PRKCQ: variants seen among roughly 807,000 people sequenced by gnomAD.
PRKCQ encodes the protein protein kinase C theta, also known as protein kinase C theta type.
PRKCQ carries 41 observed loss-of-function variants against 91.2 expected under a neutral mutation model. The ratio of observed to expected loss-of-function variants is 0.45; its 90% CI spans 0.35 to 0.58. PRKCQ has a LOEUF of 0.58. Ranked by LOEUF, PRKCQ falls within the 20% of genes least tolerant of loss-of-function variation. The pLI is 0.00. For missense variants in PRKCQ, 673 were observed against 896.5 expected (o/e 0.75, Z 3.18); for synonymous variants, 307 against 316.9 (o/e 0.97, Z 0.33).
intron 1 of PRKCQ, among the ~76,000 whole-genome samples, chr10:6,519,327 G>T (rs1022629909): frequency 6.6e-6 from 1 of 152,146 alleles, no homozygotes; most frequent in Non-Finnish European, 1.5e-5. Flanking sequence ...CTCCATTCAC[G>T]TGTGATCTGA....
At chr10:6,519,839 G>C (rs1483311087) in intron 1 of PRKCQ, among the ~76,000 whole-genome samples, 1 of 152,124 alleles carries the variant, frequency 6.6e-6, no homozygotes, top group Non-Finnish European at 1.5e-5. Flanking sequence ...AAAGCTTTCT[G>C]AATATATCTG....
intron 14 of PRKCQ, among the ~76,000 whole-genome samples, chr10:6,459,557 T>G (rs1438684443): frequency 6.6e-6 from 1 of 152,230 alleles, no homozygotes; most frequent in Admixed American, 6.5e-5. Flanking sequence ...AGGGTCTTTT[T>G]TTCCAAATGT....
chr10:6,448,995 G>T (rs1291442203), intron 15 of PRKCQ, among the ~76,000 whole-genome samples: 2 of 152,082 alleles, frequency 1.3e-5, no homozygotes, highest in African/African-American at 4.8e-5. Flanking sequence ...AAACAGAGCA[G>T]AAAAACTGGA....
Position 6,529,748 on chromosome 10 carries a change from A to T in PRKCQ, c.-9-14604T>A, listed in dbSNP as rs149497554. 5.8e-3 allele frequency among the ~76,000 whole-genome samples: 885 copies of T among 152,338 alleles called. 9 individuals are homozygous for T. Among genetic ancestry groups the T allele is most frequent in the African/African-American group, 0.02 (837 of 41,576 alleles). Reference sequence around the variant, plus strand: ...TTAATCTTTCTGTGACTACATTATCATATCTGCAAAACAAGGTATATAATG... The same window carrying T: ...TTAATCTTTCTGTGACTACATTATCTTATCTGCAAAACAAGGTATATAATG... On this transcript the variant is annotated intron_variant, in intron 1 of 17. Transcript: ENST00000263125.
intron 17 of PRKCQ, among the ~76,000 whole-genome samples, chr10:6,428,619 T>G (rs778713628): frequency 1.2e-4 from 18 of 152,042 alleles, no homozygotes; most frequent in Admixed American, 3.9e-4. Context: ...TCAAATGGGA[T>G]CTAATGTTTC....
At chr10:6,521,724 G>A (rs1045944922) in intron 1 of PRKCQ, among the ~76,000 whole-genome samples, 1 of 152,078 alleles carries the variant, frequency 6.6e-6, no homozygotes, top group Non-Finnish European at 1.5e-5. Context: ...TCTGCACTCT[G>A]CTACGGAGCT....
chr10:6,489,897 G>A lies in PRKCQ; in HGVS notation c.790+1786C>T, dbSNP rs572528241. 2.6e-4 allele frequency among the ~76,000 whole-genome samples: 39 copies of A among 152,040 alleles called. No individual in the cohort carries two copies. The East Asian group carries it at 4.3e-3, about 17-fold the overall frequency. On this transcript the variant is annotated intron_variant, in intron 8 of 17. Coordinates refer to ENST00000263125, the MANE Select transcript of PRKCQ (RefSeq NM_006257.5). ...CCTGGGAAGTTCTAAGCTGTGCCGCGGCGCTGCTGGGACCAGCTCTTCTTG... is the reference window on the plus strand; with the variant it reads ...CCTGGGAAGTTCTAAGCTGTGCCGCAGCGCTGCTGGGACCAGCTCTTCTTG...
the PRKCQ span, among the ~76,000 whole-genome samples, chr10:6,399,758 T>C: frequency 6.6e-5 from 10 of 151,934 alleles, no homozygotes; most frequent in Non-Finnish European, 1.5e-5. Flanking sequence ...CTGGTGGGCT[T>C]GGCTGGCGGA....
At chr10:6,570,472 G>A (rs1439936571) in intron 1 of PRKCQ, among the ~76,000 whole-genome samples, 1 of 151,994 alleles carries the variant, frequency 6.6e-6, no homozygotes, top group Non-Finnish European at 1.5e-5. Context: ...GAAGATAAGA[G>A]ATTGAGATTC....
chr10:6,396,033 CATT>C, the PRKCQ span, among the ~76,000 whole-genome samples: 2 of 152,186 alleles, frequency 1.3e-5, no homozygotes, highest in South Asian at 4.1e-4. Context: ...GACTGAAAAA[CATT>C]AGTAGATATT....
At chr10:6,520,527 C>T (rs1272906355) in intron 1 of PRKCQ, among the ~76,000 whole-genome samples, 1 of 152,164 alleles carries the variant, frequency 6.6e-6, no homozygotes, top group African/African-American at 2.4e-5. Context: ...CAGCTTCAGC[C>T]TTCTAGGAAA....
chr10:6,411,144 G>C, the PRKCQ span, among the ~76,000 whole-genome samples: 1 of 152,164 alleles, frequency 6.6e-6, no homozygotes, highest in Non-Finnish European at 1.5e-5. Flanking sequence ...TGAGAGAGGA[G>C]TCTACATAGT....
rs552630073 is a variant in PRKCQ, at chr10:6,491,921, A to C, written c.661-109T>G. ...CAGAGATCATAATGAAAACACTGGC[A>C]TTGTGTGCATTTTAAACCATCATTG... is the stretch of plus-strand genomic sequence containing the variant. On this transcript the variant is annotated intron_variant, in intron 7 of 17. Coordinates refer to ENST00000263125, the MANE Select transcript of PRKCQ (RefSeq NM_006257.5). The C allele has an allele frequency of 6.2e-6, 9 of 1,444,220 alleles. No homozygotes were observed. In the South Asian group the frequency reaches 7.5e-5, roughly 12 times the overall value. The allele number at this position is 1,444,220 out of a possible 1,614,324, so 89.5% of individuals were successfully genotyped here. A position where few individuals can be genotyped will look rare whatever the true frequency, so the allele number is the denominator to read the frequency against.
intron 14 of PRKCQ, among the ~76,000 whole-genome samples, chr10:6,457,874 C>T (rs1389026850): frequency 2.0e-5 from 3 of 152,118 alleles, no homozygotes; most frequent in East Asian, 3.9e-4. Context: ...GTGCCATTAT[C>T]CCAGTTTCTT....
intron 15 of PRKCQ, among the ~76,000 whole-genome samples, chr10:6,442,664 A>G (rs1378890052): frequency 1.3e-5 from 2 of 152,168 alleles, no homozygotes; most frequent in Non-Finnish European, 2.9e-5. Context: ...CTAGGATAGC[A>G]AAGTGCTCAA....
chr10:6,500,676 T>C (rs777575336), intron 4 of PRKCQ, among the ~76,000 whole-genome samples: 1 of 152,164 alleles, frequency 6.6e-6, no homozygotes, highest in Non-Finnish European at 1.5e-5. Context: ...CTCTATTTAC[T>C]GGTTTGAATG....
intron 8 of PRKCQ, among the ~76,000 whole-genome samples, chr10:6,488,823 A>ACCTC (rs1837089136): frequency 6.6e-6 from 1 of 152,212 alleles, no homozygotes; most frequent in African/African-American, 2.4e-5. Flanking sequence ...TCTGTTGCCC[A>ACCTC]GGCTGGAGTG....
chr10:6,412,433 A>C, the PRKCQ span, among the ~76,000 whole-genome samples: 2 of 152,224 alleles, frequency 1.3e-5, no homozygotes, highest in African/African-American at 4.8e-5. Flanking sequence ...TTTTAATAGC[A>C]CATGTGTAAG....
Position 6,571,972 on chromosome 10 carries a change from G to A in PRKCQ, c.-10+8239C>T, listed in dbSNP as rs112903955. Reference sequence around the variant, plus strand: ...AGAAGCCAAGAGATCAGGGGTCAGCGCTAGTAATTTAATCTGTGACCCTAG... The same window carrying A: ...AGAAGCCAAGAGATCAGGGGTCAGCACTAGTAATTTAATCTGTGACCCTAG... On this transcript the variant is annotated intron_variant, in intron 1 of 17. Transcript: ENST00000263125. Among the ~76,000 whole-genome samples, 444 of 152,232 alleles carry A rather than the reference G, an allele frequency of 2.9e-3. 5 individuals are homozygous for A. The highest frequency in any genetic ancestry group is 0.01 in the South Asian group (49 of 4,826).
Sources: allele counts gnomAD v4.1 joint callset (sites outside exome capture counted in the v4.1 genomes callset), GRCh38; gene constraint gnomAD v4.1.1; transcripts MANE v1.5; gene names NCBI Gene and HGNC (gene_info 2026-07-23, HGNC 2026-07-21).